Variants in NAV3 observed in about 807,000 individuals in gnomAD.
The protein encoded by NAV3 is neuron navigator 3.
NAV3 carries 87 observed loss-of-function variants against 244.7 expected under a neutral mutation model. The observed-to-expected ratio is 0.36, with a 90% confidence interval of 0.30 to 0.42. The LOEUF (loss-of-function observed/expected upper bound fraction) is 0.42, where lower values mean the gene tolerates loss of function less well. Ranked by LOEUF, NAV3 falls within the 20% of genes least tolerant of loss-of-function variation. NAV3 has a pLI of 1.00. For missense variants in NAV3, 2,663 were observed against 2,893.3 expected, an observed-to-expected ratio of 0.92 and a Z score of 1.83; for synonymous variants, 1,126 against 1,042.2, an observed-to-expected ratio of 1.08 and a Z score of -1.55.
chr12:77,946,102 G>GTGTA (rs1890315347), intron 3 of NAV3, among the ~76,000 whole-genome samples: 1 of 142,000 alleles, frequency 7.0e-6, no homozygotes, highest in African/African-American at 2.6e-5. Flanking sequence ...ATATATATAT[G>GTGTA]TATATATATA....
chr12:78,076,703 G>T (rs1001764101), intron 12 of NAV3, among the ~76,000 whole-genome samples: 27 of 151,932 alleles, frequency 1.8e-4, no homozygotes, highest in Non-Finnish European at 8.8e-5. Context: ...AAAAACACAG[G>T]TATGAAAAGC....
chr12:78,160,400 CGT>C lies in NAV3; in HGVS notation c.4869+1116_4869+1117del, dbSNP rs1280738927. On this transcript the variant is annotated intron_variant, in intron 23 of 39. Coordinates refer to ENST00000397909, the MANE Select transcript of NAV3 (RefSeq NM_001024383.2). The stretch of plus-strand genomic sequence containing the variant: ...TGGAGTGTGTGTGTGTGTGTGTGTG[CGT>C]GCGTGTGTGTGTGTGTGTGTGTATG... Among the ~76,000 whole-genome samples the C allele has an allele frequency of 2.9e-3, 409 of 139,212 alleles. 1 individual carries two copies. The highest frequency in any genetic ancestry group is 0.01 in the African/African-American group (384 of 37,172). The allele number at this position is 139,212 out of a possible 152,430, so 91.3% of individuals were successfully genotyped here. A position where few individuals can be genotyped will look rare whatever the true frequency, so the allele number is the denominator to read the frequency against.
intron 1 of NAV3, among the ~76,000 whole-genome samples, chr12:77,923,385 G>A (rs1054341066): frequency 1.3e-5 from 2 of 152,006 alleles, no homozygotes; most frequent in African/African-American, 2.4e-5. Flanking sequence ...TAAAATAGGA[G>A]AGAGAGAGCT....
chr12:78,074,982 A>G (rs1029429432), intron 12 of NAV3, among the ~76,000 whole-genome samples: 1 of 152,194 alleles, frequency 6.6e-6, no homozygotes, highest in Non-Finnish European at 1.5e-5. Context: ...TGTAATCTGG[A>G]TGGGACACAC....
chr12:77,960,490 T>TTGGC (rs1373013633), intron 3 of NAV3, among the ~76,000 whole-genome samples: 11 of 149,424 alleles, frequency 7.4e-5, no homozygotes, highest in African/African-American at 2.4e-4. Flanking sequence ...AACACATATA[T>TTGGC]ATATAACACA....
At chr12:78,078,606 G>A (rs201804869) in intron 12 of NAV3, among the ~76,000 whole-genome samples, 315 of 151,502 alleles carry the variant, frequency 2.1e-3, no homozygotes, top group African/African-American at 7.3e-3. Context: ...CGTTTTAGCC[G>A]GGATGGTCTC....
At chr12:77,620,921 G>A (rs78846890) in intron 2 of NAV3, among the ~76,000 whole-genome samples, 9,331 of 152,252 alleles carry the variant, frequency 0.061, 657 homozygotes, top group African/African-American at 0.17. Flanking sequence ...TTAATTAAAA[G>A]AGCTCAGAAA....
intron 3 of NAV3, among the ~76,000 whole-genome samples, chr12:77,955,582 C>T (rs544926434): frequency 6.6e-6 from 1 of 151,846 alleles, no homozygotes; most frequent in African/African-American, 2.4e-5. Context: ...AGAAATAGAC[C>T]CTTCTGGACA....
intron 2 of NAV3, among the ~76,000 whole-genome samples, chr12:77,736,033 C>T (rs1592632008): frequency 6.6e-6 from 1 of 152,150 alleles, no homozygotes; most frequent in East Asian, 1.9e-4. Context: ...TATTGTCTTT[C>T]AGTGTATCTT....
intron 37 of NAV3, among the ~76,000 whole-genome samples, chr12:78,200,160 T>G (rs1959494410): frequency 6.6e-6 from 1 of 152,046 alleles, no homozygotes; most frequent in Non-Finnish European, 1.5e-5. Context: ...TAATGACGTG[T>G]TTTATATTTG....
At chr12:78,000,633 A>G (rs1873102398) in intron 7 of NAV3, among the ~76,000 whole-genome samples, 1 of 140,900 alleles carries the variant, frequency 7.1e-6, no homozygotes, top group Non-Finnish European at 1.5e-5. Flanking sequence ...CCTCCCGAGT[A>G]GCTGGGACTA....
At chr12:77,861,439 T>A (rs1879245378) in intron 1 of NAV3, among the ~76,000 whole-genome samples, 1 of 151,920 alleles carries the variant, frequency 6.6e-6, no homozygotes, top group Non-Finnish European at 1.5e-5. Context: ...ATGGTTGAAC[T>A]AATAAAATCA....
intron 2 of NAV3, among the ~76,000 whole-genome samples, chr12:77,638,645 T>G (rs934269633): frequency 2.0e-5 from 3 of 152,250 alleles, no homozygotes; most frequent in African/African-American, 7.2e-5. Context: ...AGAGGATTCA[T>G]ATACTATTTT....
intron 3 of NAV3, among the ~76,000 whole-genome samples, chr12:77,949,183 A>C (rs951977766): frequency 6.6e-6 from 1 of 152,060 alleles, no homozygotes; most frequent in Non-Finnish European, 1.5e-5. Flanking sequence ...ACATAAAAAC[A>C]TACAAATTTA....
intron 2 of NAV3, among the ~76,000 whole-genome samples, chr12:77,641,471 G>C (rs1164653458): frequency 6.6e-6 from 1 of 152,030 alleles, no homozygotes; most frequent in Non-Finnish European, 1.5e-5. Context: ...AAGATATACA[G>C]TTTTAATAAT....
chr12:77,902,363 C>T (rs986190726), intron 1 of NAV3, among the ~76,000 whole-genome samples: 2 of 152,102 alleles, frequency 1.3e-5, no homozygotes, highest in Non-Finnish European at 2.9e-5. Context: ...TGAAACTGAG[C>T]CTATGAAAAA....
chr12:77,615,483 T>C (rs1396727665), intron 2 of NAV3, among the ~76,000 whole-genome samples: 2 of 152,140 alleles, frequency 1.3e-5, no homozygotes, highest in East Asian at 3.9e-4. Context: ...GTTTTTCTGT[T>C]CCTGTGTTAG....
intron 23 of NAV3, among the ~76,000 whole-genome samples, 192 bp from the exon 24 acceptor site, chr12:78,168,563 A>C (rs553301473): frequency 1.3e-5 from 2 of 151,924 alleles, no homozygotes; most frequent in East Asian, 3.9e-4. Context: ...CAAACAAACA[A>C]ACAAAAAACC....
At chr12:77,773,942 A>G (rs1870225895) in intron 2 of NAV3, among the ~76,000 whole-genome samples, 2 of 152,220 alleles carry the variant, frequency 1.3e-5, no homozygotes, top group Non-Finnish European at 2.9e-5. Context: ...TGATTACTTT[A>G]GTATTAATCA....
Sources: gnomAD v4.1 joint callset for allele counts (sites outside exome capture counted in the v4.1 genomes callset) on GRCh38, gnomAD v4.1.1 for gene constraint, MANE v1.5 for transcripts, NCBI Gene and HGNC (gene_info 2026-07-23, HGNC 2026-07-21) for gene names.